The following DNAH3 variants were observed in gnomAD, a reference collection of about 807,000 sequenced individuals.
DNAH3 encodes dynein axonemal heavy chain 3.
A neutral mutation model predicts 432.5 loss-of-function variants in DNAH3; 332 were observed. The ratio of observed to expected loss-of-function variants is 0.77; its 90% confidence interval spans 0.70 to 0.84. The LOEUF is 0.84. Ranked by LOEUF, DNAH3 falls within the 40% of genes least tolerant of loss-of-function variation. The pLI, the probability that DNAH3 is intolerant of heterozygous loss-of-function variation, is 0.00. For synonymous variants in DNAH3, 1,956 were observed against 1,900.2 expected (o/e 1.03, Z -0.76); for missense variants, 4,861 against 5,114.0 (o/e 0.95, Z 1.51).
chr16:20,972,739 A>ATTTTTTTTTTTTTTTTTTTTTTTT (rs34245316), intron 51 of DNAH3, among the ~76,000 whole-genome samples: 3 of 95,980 alleles, frequency 3.1e-5, no homozygotes, highest in African/African-American at 4.6e-5. Flanking sequence ...ATGCCCCGTG[A>ATTTTTTTTTTTTTTTTTTTTTTTT]TTTTTTTTTT....
intron 12 of DNAH3, among the ~76,000 whole-genome samples, chr16:21,114,398 G>T (rs1040337838): frequency 2.0e-5 from 3 of 152,146 alleles, no homozygotes; most frequent in Admixed American, 1.3e-4. Context: ...GGGATGGTCT[G>T]GTTTAAAATA....
chr16:21,065,886 G>T (rs865814780), intron 24 of DNAH3, among the ~76,000 whole-genome samples: 27 of 152,158 alleles, frequency 1.8e-4, no homozygotes, highest in African/African-American at 6.3e-4. Flanking sequence ...GAGTGCAGTG[G>T]TATGATCTCG....
intron 44 of DNAH3, among the ~76,000 whole-genome samples, chr16:20,990,575 A>G (rs1343878244): frequency 1.3e-5 from 2 of 152,224 alleles, no homozygotes; most frequent in Non-Finnish European, 2.9e-5. Flanking sequence ...GCAACTAATA[A>G]TCTACTTTCT....
At chr16:20,954,509 C>T (rs576023179) in intron 55 of DNAH3, among the ~76,000 whole-genome samples, 6 of 151,986 alleles carry the variant, frequency 3.9e-5, no homozygotes, top group East Asian at 2.0e-4. Flanking sequence ...AGGCTGGTCT[C>T]GAACTCCTGG....
chr16:21,054,424 G>T (rs529788617), exon 28 of DNAH3: 1 of 1,613,318 alleles, frequency 6.2e-7, no homozygotes, highest in Non-Finnish European at 8.5e-7. Context: ...GCTTACCGTG[G>T]ACATCGATGA....
chr16:20,939,612 CA>C (rs35683068), intron 59 of DNAH3, among the ~76,000 whole-genome samples: 36,216 of 97,486 alleles, frequency 0.37, 4,456 homozygotes, highest in Middle Eastern at 0.45. Flanking sequence ...GACTCTGTCT[CA>C]AAAAAAAAAA....
intron 10 of DNAH3, chr16:21,120,982 AGAACC>A: frequency 2.7e-6 from 2 of 743,264 alleles, no homozygotes; most frequent in Non-Finnish European, 4.8e-6. Flanking sequence ...TGGAGTACTT[AGAACC>A]CTGTAAGTAC....
Position 21,051,575 on chromosome 16 carries a change from A to G in DNAH3, c.4238+95T>C, listed in dbSNP as rs2089955253. On this transcript the variant is annotated intron_variant, in intron 29 of 61. Transcript: ENST00000261383. Reference sequence around the variant, plus strand: ...CTAATAATCTGAAGTGTGAAGGGTAAAGGTAACCCAAGACATCCCTAACTT... The same window carrying G: ...CTAATAATCTGAAGTGTGAAGGGTAGAGGTAACCCAAGACATCCCTAACTT... 46 of 1,269,370 alleles carry G rather than the reference A, an allele frequency of 3.6e-5. No individual in the cohort carries two copies. The Admixed American group carries it at 8.3e-4, about 23-fold the overall frequency. The allele number at this position is 1,269,370 out of a possible 1,614,324, so 78.6% of individuals were successfully genotyped here.
intron 51 of DNAH3, among the ~76,000 whole-genome samples, chr16:20,972,237 TC>T (rs1417021551): frequency 6.9e-6 from 1 of 145,306 alleles, no homozygotes; most frequent in African/African-American, 2.7e-5. Flanking sequence ...TTTTTTTCTC[TC>T]TTTTTTTTTT....
chr16:20,950,612 G>A (rs908488780), intron 56 of DNAH3, among the ~76,000 whole-genome samples: 3 of 152,166 alleles, frequency 2.0e-5, no homozygotes, highest in East Asian at 1.9e-4. Context: ...TGTCTGCCAC[G>A]TGCCTGGGGA....
In DNAH3 at chr16:21,104,553, C is replaced by T; in HGVS notation, c.2285-1G>A. On this transcript the variant is annotated splice_acceptor_variant, in intron 15 of 61. Transcript: ENST00000261383. LOFTEE classifies it high-confidence loss of function. ...TTGTCAAAGATATCTTCAATCTGGT[C>T]TGGCCAGAGGAACAGAGTGCTGTTC... is the stretch of plus-strand genomic sequence containing the variant. 4.3e-6 allele frequency: 7 copies of T among 1,613,788 alleles called. No homozygotes were observed. The highest frequency in any genetic ancestry group is 5.9e-6 in the Non-Finnish European group (7 of 1,179,730).
rs1435885731 is a variant in DNAH3 at position 21,112,114 on chromosome 16, G to T, written c.1815-16C>A. 1 of 1,553,982 alleles carries T rather than the reference G, an allele frequency of 6.4e-7. No homozygotes were observed. Among genetic ancestry groups the T allele is most frequent in the South Asian group, 1.1e-5 (1 of 88,586 alleles). On this transcript the variant is annotated splice_polypyrimidine_tract_variant and intron_variant, in intron 12 of 61. Transcript: ENST00000261383. Reference sequence around the variant, plus strand: ...ATTTAAATATCTTCCATATTGAAGGGTGTGAAATCAAACACACAAATATAA... The same window carrying T: ...ATTTAAATATCTTCCATATTGAAGGTTGTGAAATCAAACACACAAATATAA...
At chr16:21,114,876 T>C (rs1390591802) in intron 12 of DNAH3, among the ~76,000 whole-genome samples, 4 of 152,176 alleles carry the variant, frequency 2.6e-5, no homozygotes, top group Admixed American at 1.3e-4. Flanking sequence ...TTTAACCCAG[T>C]TGATCCCATT....
At chr16:21,000,131 G>T in intron 43 of DNAH3, 93 bp downstream of exon 43, 1 of 1,319,506 alleles carries the variant, frequency 7.6e-7, no homozygotes, top group Non-Finnish European at 1.1e-6. Context: ...GAGAGTAAAG[G>T]TATGTACAGT....
chr16:21,069,343 G>A, intron 23 of DNAH3, 72 bp downstream of exon 23: 1 of 1,312,538 alleles, frequency 7.6e-7, no homozygotes, highest in East Asian at 2.3e-5. Flanking sequence ...TTTCAAGGAA[G>A]GTGACTAGAA....
intron 49 of DNAH3, among the ~76,000 whole-genome samples, chr16:20,980,339 TTATTA>T (rs1161999190): frequency 1.3e-4 from 19 of 144,154 alleles, no homozygotes; most frequent in Non-Finnish European, 2.1e-4. Context: ...ATATTATATT[TTATTA>T]TATTTATTTA....
chr16:21,067,276 T>C lies in DNAH3; in HGVS notation c.3518+7A>G. On this transcript the variant is annotated splice_region_variant and intron_variant, in intron 24 of 61. Transcript: ENST00000261383. ...GTAATTCCAAATAAAAGAACAATGC[T>C]GGATACCTGGGGAAGAATAGTCTCT... 1 of 1,613,874 alleles carries C rather than the reference T, an allele frequency of 6.2e-7. No individual in the cohort carries two copies.
chr16:21,134,288 C>A (rs1327235844), exon 7 of DNAH3: 1 of 1,613,382 alleles, frequency 6.2e-7, no homozygotes, highest in South Asian at 1.1e-5. Context: ...TCAGCCTGAG[C>A]ATCATGGGGT....
intron 59 of DNAH3, among the ~76,000 whole-genome samples, chr16:20,939,705 G>A (rs1043087802): frequency 6.6e-6 from 1 of 152,044 alleles, no homozygotes; most frequent in Non-Finnish European, 1.5e-5. Flanking sequence ...TGGAATCAGG[G>A]CTGTCCTTAA....
Sources: gnomAD v4.1 joint callset for allele counts (sites outside exome capture counted in the v4.1 genomes callset) on GRCh38, gnomAD v4.1.1 for gene constraint, MANE v1.5 for transcripts, NCBI Gene and HGNC (gene_info 2026-07-23, HGNC 2026-07-21) for gene names.